The following GALNT1 variants were observed in gnomAD, a reference collection of about 807,000 sequenced individuals.
GALNT1 encodes polypeptide N-acetylgalactosaminyltransferase 1.
GALNT1 carries 17 observed loss-of-function variants against 65.7 expected under a neutral mutation model. That is an observed-to-expected ratio of 0.26 (90% CI 0.18 to 0.39). The LOEUF is 0.39. Ranked by LOEUF, GALNT1 falls within the 10% of genes least tolerant of loss-of-function variation. The pLI is 1.00. For synonymous variants in GALNT1, 210 were observed against 219.7 expected, an observed-to-expected ratio of 0.96 and a Z score of 0.39; for missense variants, 460 against 672.8, an observed-to-expected ratio of 0.68 and a Z score of 3.50.
chr18:35,633,609 G>T (rs2047049817), intron 1 of GALNT1, among the ~76,000 whole-genome samples: 1 of 151,954 alleles, frequency 6.6e-6, no homozygotes, highest in Admixed American at 6.6e-5. Context: ...TGAGTTAATA[G>T]GTGCAGCACA....
At chr18:35,690,620 T>A (rs1315970907) in intron 7 of GALNT1, among the ~76,000 whole-genome samples, 1 of 152,172 alleles carries the variant, frequency 6.6e-6, no homozygotes, top group Non-Finnish European at 1.5e-5. Flanking sequence ...TAACCTATGT[T>A]TTCTTTATTT....
chr18:35,635,084 G>A (rs79280047), intron 1 of GALNT1, among the ~76,000 whole-genome samples: 1 of 152,278 alleles, frequency 6.6e-6, no homozygotes, highest in East Asian at 1.9e-4. Context: ...ACAACATAAA[G>A]CTGTACTCAT....
chr18:35,661,586 G>C (rs946470417), intron 2 of GALNT1, among the ~76,000 whole-genome samples: 2 of 151,960 alleles, frequency 1.3e-5, no homozygotes, highest in African/African-American at 4.8e-5. Context: ...TAGTTTTGTG[G>C]CATGGATACC....
chr18:35,603,330 T>C (rs2046605066), intron 1 of GALNT1, among the ~76,000 whole-genome samples: 1 of 152,158 alleles, frequency 6.6e-6, no homozygotes, highest in African/African-American at 2.4e-5. Flanking sequence ...GAGAGAAGTC[T>C]GTTTCTCTTA....
chr18:35,694,519 G>A (rs938159514), intron 9 of GALNT1, among the ~76,000 whole-genome samples: 1 of 152,180 alleles, frequency 6.6e-6, no homozygotes, highest in Non-Finnish European at 1.5e-5. Context: ...TAGTATGGAG[G>A]TTTCTCAAAA....
intron 7 of GALNT1, among the ~76,000 whole-genome samples, chr18:35,689,952 C>T (rs575139017): frequency 9.9e-5 from 15 of 152,148 alleles, no homozygotes; most frequent in Non-Finnish European, 2.1e-4. Flanking sequence ...CCCAGTGAAT[C>T]GCTTTGCCTT....
chr18:35,652,331 A>G (rs1278679816), intron 1 of GALNT1, among the ~76,000 whole-genome samples: 1 of 152,036 alleles, frequency 6.6e-6, no homozygotes, highest in Non-Finnish European at 1.5e-5. Flanking sequence ...TTGTTTATCC[A>G]TACTCCTTCC....
chr18:35,655,695 ATT>A (rs1442186234), intron 2 of GALNT1, among the ~76,000 whole-genome samples: 1 of 152,022 alleles, frequency 6.6e-6, no homozygotes, highest in Non-Finnish European at 1.5e-5. Context: ...CCACATTTAA[ATT>A]TTTTATACTT....
chr18:35,623,985 G>T, intron 1 of GALNT1, among the ~76,000 whole-genome samples: 1 of 152,048 alleles, frequency 6.6e-6, no homozygotes, highest in Non-Finnish European at 1.5e-5. Context: ...TGGATAATAT[G>T]CTTTTTGACC....
intron 3 of GALNT1, among the ~76,000 whole-genome samples, chr18:35,671,484 G>A (rs1017128338): frequency 2.6e-5 from 4 of 152,128 alleles, no homozygotes; most frequent in African/African-American, 7.2e-5. Context: ...GATGACTTTT[G>A]TGTATATTAT....
intron 3 of GALNT1, among the ~76,000 whole-genome samples, chr18:35,667,901 A>G (rs546164965): frequency 6.6e-6 from 1 of 152,312 alleles, no homozygotes; most frequent in South Asian, 2.1e-4. Flanking sequence ...ATGCATTGTT[A>G]TTATGGACAG....
chr18:35,622,628 G>A (rs1178962421), intron 1 of GALNT1, among the ~76,000 whole-genome samples: 1 of 152,126 alleles, frequency 6.6e-6, no homozygotes, highest in Non-Finnish European at 1.5e-5. Context: ...CAGCAACCTT[G>A]CTGAAAGTTC....
At chr18:35,590,167 G>A (rs539192110) in intron 1 of GALNT1, among the ~76,000 whole-genome samples, 1 of 152,342 alleles carries the variant, frequency 6.6e-6, no homozygotes, top group Admixed American at 6.5e-5. Context: ...GGGGAGGGAT[G>A]TTTGGGATTG....
chr18:35,657,248 A>G (rs1466107585), intron 2 of GALNT1, among the ~76,000 whole-genome samples: 3 of 152,136 alleles, frequency 2.0e-5, no homozygotes, highest in Non-Finnish European at 4.4e-5. Context: ...GGCGCACGCC[A>G]CCACACCCAG....
chr18:35,641,122 A>C (rs2047155817), intron 1 of GALNT1, among the ~76,000 whole-genome samples: 4 of 152,182 alleles, frequency 2.6e-5, no homozygotes, highest in Admixed American at 2.0e-4. Context: ...CACCATACCC[A>C]GACAAAGATA....
chr18:35,670,299 A>G, intron 3 of GALNT1, among the ~76,000 whole-genome samples: 1 of 152,236 alleles, frequency 6.6e-6, no homozygotes. Context: ...GCCTCAAAAA[A>G]AAAGAAAAAA....
chr18:35,666,876 C>G (rs1349117920), intron 3 of GALNT1, among the ~76,000 whole-genome samples: 4 of 151,854 alleles, frequency 2.6e-5, no homozygotes, highest in African/African-American at 9.7e-5. Flanking sequence ...GGAGGTAGCG[C>G]AGAGTCACTA....
intron 1 of GALNT1, among the ~76,000 whole-genome samples, chr18:35,641,748 G>A (rs948767492): frequency 3.3e-5 from 5 of 152,114 alleles, no homozygotes; most frequent in Admixed American, 2.0e-4. Context: ...ACATCTGGTG[G>A]GTGGTTTCAG....
chr18:35,698,610 C>G (rs539500800), intron 9 of GALNT1, among the ~76,000 whole-genome samples: 1 of 152,286 alleles, frequency 6.6e-6, no homozygotes, highest in South Asian at 2.1e-4. Context: ...CATATTAGCA[C>G]AAATATAGAC....
Sources: gnomAD v4.1 joint callset for allele counts (sites outside exome capture counted in the v4.1 genomes callset) on GRCh38, gnomAD v4.1.1 for gene constraint, MANE v1.5 for transcripts, NCBI Gene and HGNC (gene_info 2026-07-23, HGNC 2026-07-21) for gene names.